The following GPC5 variants were observed in gnomAD, a reference collection of about 807,000 sequenced individuals.
The protein encoded by GPC5 is glypican-5.
GPC5 carries 47 observed loss-of-function variants against 53.9 expected under a neutral mutation model. The ratio of observed to expected loss-of-function variants is 0.87; its 90% CI spans 0.69 to 1.11. The LOEUF (loss-of-function observed/expected upper bound fraction) is 1.11. GPC5 is among the 50% of genes most tolerant of loss of function. GPC5 has a pLI of 0.00. For synonymous variants in GPC5, 286 were observed against 263.3 expected (o/e 1.09, Z -0.84); for missense variants, 748 against 713.1 (o/e 1.05, Z -0.56).
chr13:91,603,964 A>G (rs1209383005), intron 2 of GPC5, among the ~76,000 whole-genome samples: 1 of 117,644 alleles, frequency 8.5e-6, no homozygotes, highest in Admixed American at 8.4e-5. Context: ...TTTTTTTATT[A>G]TTATACTTTT....
intron 6 of GPC5, among the ~76,000 whole-genome samples, chr13:91,986,855 G>A (rs1340280619): frequency 1.4e-5 from 2 of 147,184 alleles, no homozygotes; most frequent in Non-Finnish European, 3.1e-5. Flanking sequence ...TTTCTACAGC[G>A]TGTTTAAGCC....
chr13:91,926,981 G>A (rs1196926675), intron 6 of GPC5, among the ~76,000 whole-genome samples: 3 of 152,134 alleles, frequency 2.0e-5, no homozygotes, highest in African/African-American at 7.2e-5. Context: ...TTTATTAGAT[G>A]AGGAAAGGAA....
At chr13:92,478,636 A>C (rs768979944) in intron 7 of GPC5, among the ~76,000 whole-genome samples, 1 of 152,170 alleles carries the variant, frequency 6.6e-6, no homozygotes, top group Admixed American at 6.6e-5. Context: ...GAAACCTGTC[A>C]ATAGGAAGAG....
In GPC5 at chr13:91,448,898, T is replaced by C. The variant is rs1480895338; in HGVS notation, c.301T>C (p.Ser101Pro). 1 of 1,613,208 alleles carries C rather than the reference T, an allele frequency of 6.2e-7. No individual in the cohort carries two copies. Among genetic ancestry groups the C allele is most frequent in the Admixed American group, 1.7e-5 (1 of 59,860 alleles). The change falls in exon 2 of 8, where the codon TCT becomes CCT. Residue 101 changes from serine to proline, a missense_variant. By Grantham distance (74) the Ser-to-Pro change is moderately conservative. Coordinates refer to ENST00000377067, the MANE Select transcript of GPC5 (RefSeq NM_004466.6). ...TSSSTLKFLI[S>P]RNAAAFQETL... ...CAGCTCTACATTAAAGTTTCTAATA[T>C]CTCGAAATGCGGCTGCTTTTCAAGG...
At chr13:92,500,006 G>A (rs1880121932) in intron 7 of GPC5, among the ~76,000 whole-genome samples, 1 of 152,028 alleles carries the variant, frequency 6.6e-6, no homozygotes, top group Non-Finnish European at 1.5e-5. Flanking sequence ...AGATAGATTG[G>A]AAAAAAACAG....
intron 2 of GPC5, among the ~76,000 whole-genome samples, chr13:91,520,963 C>T (rs1052720972): frequency 2.0e-5 from 3 of 151,944 alleles, no homozygotes; most frequent in South Asian, 2.1e-4. Flanking sequence ...ATTTCAATTG[C>T]CTTTGGTAAT....
intron 7 of GPC5, among the ~76,000 whole-genome samples, chr13:92,762,406 C>T (rs1462434315): frequency 6.6e-6 from 1 of 152,002 alleles, no homozygotes; most frequent in African/African-American, 2.4e-5. Context: ...CTATAACATA[C>T]ATAAATGGTA....
At chr13:92,313,780 C>T (rs2043160837) in intron 7 of GPC5, among the ~76,000 whole-genome samples, 1 of 152,176 alleles carries the variant, frequency 6.6e-6, no homozygotes, top group African/African-American at 2.4e-5. Context: ...TCTAAATATC[C>T]TAATCTGGGC....
At chr13:91,916,390 A>G (rs996318156) in intron 6 of GPC5, among the ~76,000 whole-genome samples, 16 of 152,198 alleles carry the variant, frequency 1.1e-4, no homozygotes, top group Admixed American at 5.2e-4. Context: ...AACAACTCAA[A>G]TGTTCCTCAA....
At chr13:92,125,792 G>C (rs2041689518) in intron 6 of GPC5, among the ~76,000 whole-genome samples, 1 of 152,050 alleles carries the variant, frequency 6.6e-6, no homozygotes, top group Non-Finnish European at 1.5e-5. Context: ...GTGCAAAGTA[G>C]TATCATGTGA....
chr13:92,408,149 C>A (rs986843325), intron 7 of GPC5, among the ~76,000 whole-genome samples: 8 of 152,146 alleles, frequency 5.3e-5, no homozygotes, highest in African/African-American at 1.9e-4. Flanking sequence ...GGAACACAAA[C>A]CCTACTGTGA....
At chr13:91,450,800 C>T (rs1263089370) in intron 2 of GPC5, among the ~76,000 whole-genome samples, 4 of 151,914 alleles carry the variant, frequency 2.6e-5, no homozygotes, top group Admixed American at 2.6e-4. Context: ...ATAATTTCTT[C>T]CTTAGTAGAT....
At chr13:92,606,264 T>A (rs1884256977) in intron 7 of GPC5, among the ~76,000 whole-genome samples, 1 of 152,004 alleles carries the variant, frequency 6.6e-6, no homozygotes, top group Admixed American at 6.6e-5. Flanking sequence ...CAGGCCCCGG[T>A]GTGTGATGTT....
chr13:92,119,567 ATTTTT>A (rs59391576), intron 6 of GPC5, among the ~76,000 whole-genome samples: 2 of 70,614 alleles, frequency 2.8e-5, no homozygotes, highest in Non-Finnish European at 4.9e-5. Context: ...CGCCTGGCTA[ATTTTT>A]TTTTTTTTTT....
At chr13:92,660,083 G>A (rs1594392869) in intron 7 of GPC5, among the ~76,000 whole-genome samples, 1 of 152,136 alleles carries the variant, frequency 6.6e-6, no homozygotes, top group East Asian at 1.9e-4. Flanking sequence ...ATTTATGGCA[G>A]TAATTCCTTA....
chr13:92,514,303 G>A (rs529610868), intron 7 of GPC5, among the ~76,000 whole-genome samples: 2 of 152,026 alleles, frequency 1.3e-5, no homozygotes, highest in Admixed American at 1.3e-4. Context: ...TAAGAATTAA[G>A]ACATATACTA....
At chr13:92,736,825 C>T (rs1047249389) in intron 7 of GPC5, among the ~76,000 whole-genome samples, 1 of 151,116 alleles carries the variant, frequency 6.6e-6, no homozygotes, top group Non-Finnish European at 1.5e-5. Context: ...TTTAAAGGAG[C>T]TTATTATTAA....
chr13:92,043,569 G>A (rs73623552), intron 6 of GPC5, among the ~76,000 whole-genome samples: 2,680 of 152,234 alleles, frequency 0.018, 89 homozygotes, highest in African/African-American at 0.062. Context: ...GATTTGAGGT[G>A]CCTATCAATG....
intron 7 of GPC5, among the ~76,000 whole-genome samples, chr13:92,435,037 C>T (rs894532794): frequency 6.6e-6 from 1 of 152,164 alleles, no homozygotes; most frequent in Non-Finnish European, 1.5e-5. Context: ...GTCTCATCCT[C>T]CTGAGTTGCT....
Sources: gnomAD v4.1 joint callset for allele counts (sites outside exome capture counted in the v4.1 genomes callset) on GRCh38, gnomAD v4.1.1 for gene constraint, MANE v1.5 for transcripts, NCBI Gene and HGNC (gene_info 2026-07-23, HGNC 2026-07-21) for gene names.